The following CEP112 variants were observed in gnomAD, a reference collection of about 807,000 sequenced individuals.
CEP112 encodes the protein centrosomal protein 112.
In CEP112, 127 loss-of-function variants were observed where a neutral mutation model predicts 153.0. That is an observed-to-expected ratio of 0.83 (90% CI 0.72 to 0.96). The LOEUF (loss-of-function observed/expected upper bound fraction) is 0.96. Among genes scored for constraint, CEP112 ranks in the 40% least tolerant of loss-of-function variants. CEP112 has a pLI of 0.00. For synonymous variants in CEP112, 358 were observed against 374.4 expected, an observed-to-expected ratio of 0.96 and a Z score of 0.51; for missense variants, 1,089 against 1,101.2, an observed-to-expected ratio of 0.99 and a Z score of 0.16.
At chr17:65,979,115 C>T (rs1450325177) in intron 17 of CEP112, among the ~76,000 whole-genome samples, 3 of 152,158 alleles carry the variant, frequency 2.0e-5, no homozygotes, top group African/African-American at 7.2e-5. Flanking sequence ...GTTGCAGATG[C>T]TCAAGCAGAG....
rs201757413 is a variant in CEP112, at chr17:65,708,082, A to G, written c.2608-18864T>C. Among the ~76,000 whole-genome samples the G allele has an allele frequency of 1.3e-5, 2 of 152,106 alleles. 1 individual carries two copies. Among genetic ancestry groups the G allele is most frequent in the South Asian group, 4.1e-4 (2 of 4,826 alleles). On this transcript the variant is annotated intron_variant, in intron 23 of 26. Coordinates refer to ENST00000535342, the MANE Select transcript of CEP112 (RefSeq NM_001199165.4). ...GGTTAGCATGGCTTCTTTGAAATGAACCACCACAAACCAAACATCTAAAGC... is the reference window on the plus strand; with the variant it reads ...GGTTAGCATGGCTTCTTTGAAATGAGCCACCACAAACCAAACATCTAAAGC...
intron 23 of CEP112, among the ~76,000 whole-genome samples, chr17:65,698,104 C>T (rs1049758435): frequency 6.6e-6 from 1 of 151,828 alleles, no homozygotes. Flanking sequence ...AACAAAAAAC[C>T]CTGATAATTC....
At chr17:65,935,721 G>A (rs1264549909) in intron 18 of CEP112, among the ~76,000 whole-genome samples, 3 of 151,340 alleles carry the variant, frequency 2.0e-5, no homozygotes, top group Admixed American at 6.6e-5. Context: ...AAACAAAAAC[G>A]GGACACAGGA....
In CEP112 at chr17:65,635,934, A is replaced by G; in HGVS notation, c.*37T>C. 6.3e-7 allele frequency: 1 copy of G among 1,594,052 alleles called. No homozygotes were observed. The highest frequency in any genetic ancestry group is 8.6e-7 in the Non-Finnish European group (1 of 1,167,958). On this transcript the variant is annotated 3_prime_UTR_variant, in exon 27 of 27. Coordinates refer to ENST00000535342, the MANE Select transcript of CEP112 (RefSeq NM_001199165.4). The stretch of plus-strand genomic sequence containing the variant: ...ACCTGCTGGAAGAAGTCCACAGCAC[A>G]GCCTGGAAATTGCATCCGTTGCATT...
chr17:65,808,191 G>A (rs1162553991), intron 21 of CEP112, among the ~76,000 whole-genome samples: 6 of 152,200 alleles, frequency 3.9e-5, no homozygotes, highest in East Asian at 1.9e-4. Context: ...TTGGACTTGC[G>A]TGGGTCCTCT....
At chr17:66,071,419 A>G (rs1024421240) in intron 8 of CEP112, among the ~76,000 whole-genome samples, 3 of 152,150 alleles carry the variant, frequency 2.0e-5, no homozygotes, top group African/African-American at 7.2e-5. Context: ...AAAGGGAACT[A>G]AAGCCAAAAA....
At chr17:66,045,176 T>C (rs2066151039) in intron 12 of CEP112, among the ~76,000 whole-genome samples, 1 of 151,926 alleles carries the variant, frequency 6.6e-6, no homozygotes, top group African/African-American at 2.4e-5. Flanking sequence ...GCTCAAGCAA[T>C]CCTCCCACCT....
chr17:66,067,692 A>C (rs1475602306), intron 9 of CEP112, among the ~76,000 whole-genome samples: 2 of 152,220 alleles, frequency 1.3e-5, no homozygotes, highest in African/African-American at 2.4e-5. Flanking sequence ...AATAATTATT[A>C]TCTGAAAGAA....
At chr17:66,178,457 G>C (rs2072581056) in intron 2 of CEP112, among the ~76,000 whole-genome samples, 1 of 152,016 alleles carries the variant, frequency 6.6e-6, no homozygotes, top group Admixed American at 6.6e-5. Flanking sequence ...ATATATTCTG[G>C]TTATTCCCTT....
At chr17:65,659,660 A>C (rs909490744) in intron 24 of CEP112, among the ~76,000 whole-genome samples, 2 of 152,256 alleles carry the variant, frequency 1.3e-5, no homozygotes, top group Non-Finnish European at 2.9e-5. Context: ...ACCTTTACAC[A>C]GCAGAGAGAA....
At chr17:65,729,840 G>C (rs1010617570) in intron 23 of CEP112, among the ~76,000 whole-genome samples, 2 of 152,114 alleles carry the variant, frequency 1.3e-5, no homozygotes, top group Non-Finnish European at 2.9e-5. Flanking sequence ...TTGAGCCCAG[G>C]AGTTGGAGGC....
chr17:66,091,888 A>T lies in CEP112; in HGVS notation c.768+4363T>A, dbSNP rs2068145388. ...GATATACAAAGGATCATGAAAGACT[A>T]CTATGAGTAATTATACGTCAACAAA... On this transcript the variant is annotated intron_variant, in intron 8 of 26. Transcript: ENST00000535342. 5.3e-5 allele frequency among the ~76,000 whole-genome samples: 8 copies of T among 152,210 alleles called. No individual in the cohort carries two copies. The South Asian group carries it at 1.7e-3, about 32-fold the overall frequency.
At chr17:66,165,152 G>A (rs1261729082) in intron 4 of CEP112, among the ~76,000 whole-genome samples, 1 of 151,260 alleles carries the variant, frequency 6.6e-6, no homozygotes, top group Non-Finnish European at 1.5e-5. Context: ...CCGAGACAGA[G>A]AACAGGCCAC....
At chr17:65,993,063 T>C (rs2145277505) in intron 17 of CEP112, among the ~76,000 whole-genome samples, 1 of 152,258 alleles carries the variant, frequency 6.6e-6, no homozygotes, top group South Asian at 2.1e-4. Context: ...CAGCATGCAT[T>C]AGCTATTTTT....
intron 21 of CEP112, among the ~76,000 whole-genome samples, chr17:65,791,354 G>A (rs569220220): frequency 6.6e-6 from 1 of 152,280 alleles, no homozygotes; most frequent in Admixed American, 6.5e-5. Flanking sequence ...TTTTTCTACT[G>A]AATCAGCCAC....
chr17:66,044,217 ATTAT>A (rs911545588), intron 12 of CEP112, among the ~76,000 whole-genome samples: 4 of 152,000 alleles, frequency 2.6e-5, no homozygotes, highest in Non-Finnish European at 4.4e-5. Context: ...TTCTCTCAAT[ATTAT>A]TTAATAAATA....
chr17:65,900,861 C>T (rs575447911), intron 20 of CEP112, among the ~76,000 whole-genome samples: 70 of 152,278 alleles, frequency 4.6e-4, no homozygotes, highest in Middle Eastern at 3.4e-3. Flanking sequence ...TAAGTATTCT[C>T]GTACCATGGG....
intron 9 of CEP112, 112 bp downstream of exon 9, chr17:66,069,803 T>C (rs1013791340): frequency 8.1e-6 from 5 of 614,796 alleles, no homozygotes; most frequent in African/African-American, 1.9e-5. Flanking sequence ...ATAAAGTACA[T>C]AAATAAGTGG....
chr17:65,668,440 T>G (rs1336237324), intron 24 of CEP112, among the ~76,000 whole-genome samples: 1 of 152,210 alleles, frequency 6.6e-6, no homozygotes, highest in Non-Finnish European at 1.5e-5. Context: ...CCCCTGTGAC[T>G]TGTATTTCTG....
Sources: allele counts gnomAD v4.1 joint callset (sites outside exome capture counted in the v4.1 genomes callset), GRCh38; gene constraint gnomAD v4.1.1; transcripts MANE v1.5; gene names NCBI Gene and HGNC (gene_info 2026-07-23, HGNC 2026-07-21).